PPP2R5C: variants seen among roughly 807,000 people sequenced by gnomAD.
PPP2R5C encodes the protein protein phosphatase 2 regulatory subunit B'gamma.
In PPP2R5C, 7 loss-of-function variants were observed where a neutral mutation model predicts 68.9. That is an observed-to-expected ratio of 0.10 (90% confidence interval 0.06 to 0.19). The LOEUF (loss-of-function observed/expected upper bound fraction) is 0.19, where lower values mean the gene tolerates loss of function less well. Among genes scored for constraint, PPP2R5C ranks in the 10% least tolerant of loss-of-function variants. PPP2R5C has a pLI of 1.00. For synonymous variants in PPP2R5C, 210 were observed against 222.2 expected (o/e 0.95, Z 0.49); for missense variants, 348 against 641.3 (o/e 0.54, Z 4.94).
chr14:101,840,148 G>A (rs539934762), intron 1 of PPP2R5C, among the ~76,000 whole-genome samples: 3 of 152,144 alleles, frequency 2.0e-5, no homozygotes, highest in African/African-American at 7.2e-5. Context: ...TGCCCACCTT[G>A]TACCTTATTT....
At chr14:101,841,311 G>A (rs1030539546) in intron 1 of PPP2R5C, among the ~76,000 whole-genome samples, 6 of 152,176 alleles carry the variant, frequency 3.9e-5, no homozygotes, top group South Asian at 2.1e-4. Flanking sequence ...TGAAGGGGGC[G>A]ACTGTGCCTA....
intron 8 of PPP2R5C, among the ~76,000 whole-genome samples, chr14:101,897,540 G>A (rs1466813396): frequency 3.9e-5 from 6 of 151,982 alleles, no homozygotes; most frequent in South Asian, 4.1e-4. Context: ...GGCAGGAAGC[G>A]TCCGGCACGG....
chr14:101,786,166 A>T, exon 3 of PPP2R5C: 1 of 1,567,748 alleles, frequency 6.4e-7, no homozygotes, highest in Non-Finnish European at 8.6e-7. Context: ...GAACTTCAAA[A>T]ACTACCATCC....
chr14:101,924,509 C>G (rs1428454655), intron 13 of PPP2R5C, among the ~76,000 whole-genome samples: 4 of 141,072 alleles, frequency 2.8e-5, no homozygotes, highest in African/African-American at 1.1e-4. Flanking sequence ...GTGGTGCAAT[C>G]TCGGCTCACT....
At position 101,825,524 on chromosome 14, in the gene PPP2R5C, G is replaced by A. The variant is rs1002380770; in HGVS notation, c.94+15488G>A. Among the ~76,000 whole-genome samples the A allele has an allele frequency of 2.6e-5, 4 of 152,134 alleles. No individual in the cohort carries two copies. The highest frequency in any genetic ancestry group is 4.4e-5 in the Non-Finnish European group (3 of 68,030). On this transcript the variant is annotated intron_variant, in intron 1 of 13. Transcript: ENST00000334743. The surrounding 1 kb of genome is among the most constrained non-coding windows in gnomAD (Gnocchi z 4.0). ...CCTATTTGGGGTGCACACGCTCATC[G>A]ATGAGGGCAACAGAACACAGCATGC...
At chr14:101,790,811 T>C (rs2038322188) in intron 3 of PPP2R5C, among the ~76,000 whole-genome samples, 1 of 152,244 alleles carries the variant, frequency 6.6e-6, no homozygotes, top group Non-Finnish European at 1.5e-5. Flanking sequence ...CTGGGCACCG[T>C]GGCTCACGCC....
upstream of PPP2R5C, among the ~76,000 whole-genome samples, chr14:101,808,158 T>A (rs1198466747): frequency 6.6e-6 from 1 of 151,392 alleles, no homozygotes; most frequent in Non-Finnish European, 1.5e-5. Flanking sequence ...TTCCTAGTGG[T>A]CGTTGGTGAT....
intron 2 of PPP2R5C, among the ~76,000 whole-genome samples, chr14:101,876,690 G>A (rs927223702): frequency 1.3e-5 from 2 of 152,218 alleles, no homozygotes; most frequent in Admixed American, 1.3e-4. Flanking sequence ...GCAGAAGCAG[G>A]TGCTTCCTGA....
intron 5 of PPP2R5C, chr14:101,889,950 T>A (rs1438477040): frequency 7.5e-6 from 4 of 536,196 alleles, no homozygotes; most frequent in Non-Finnish European, 1.4e-5. Context: ...TTGAAATGGG[T>A]GTTCACTGTA....
chr14:101,855,446 G>A (rs1249728612), intron 1 of PPP2R5C, among the ~76,000 whole-genome samples: 1 of 152,116 alleles, frequency 6.6e-6, no homozygotes, highest in African/African-American at 2.4e-5. Context: ...AGTTAGTATG[G>A]GTCGTTTCTT....
chr14:101,836,234 T>G, intron 1 of PPP2R5C: 3 of 702,912 alleles, frequency 4.3e-6, no homozygotes, highest in Non-Finnish European at 2.6e-6. Flanking sequence ...CCTTCAGCTG[T>G]GGCCGCCTAC....
intron 1 of PPP2R5C, among the ~76,000 whole-genome samples, chr14:101,827,497 A>G (rs189250603): frequency 6.0e-4 from 91 of 152,272 alleles, no homozygotes; most frequent in African/African-American, 2.1e-3. Context: ...GAGGAGAACT[A>G]ATGGGCAGAG....
chr14:101,809,696 C>T (rs2039237007), upstream of PPP2R5C: 2 of 662,950 alleles, frequency 3.0e-6, no homozygotes, highest in Admixed American at 4.5e-5. Flanking sequence ...TGCAAAAAGC[C>T]GGAAAATATC....
chr14:101,804,478 A>G (rs889857155), intron 3 of PPP2R5C, among the ~76,000 whole-genome samples: 7 of 151,980 alleles, frequency 4.6e-5, no homozygotes, highest in African/African-American at 1.5e-4. Context: ...CTAAGTGTCC[A>G]TCAACAGATG....
chr14:101,826,857 A>G (rs1047367976), intron 1 of PPP2R5C, among the ~76,000 whole-genome samples: 1 of 152,164 alleles, frequency 6.6e-6, no homozygotes, highest in African/African-American at 2.4e-5. Context: ...AATGGTCCAT[A>G]AGGAACCCCT....
chr14:101,911,298 G>A (rs770211386), intron 11 of PPP2R5C, among the ~76,000 whole-genome samples: 1 of 152,144 alleles, frequency 6.6e-6, no homozygotes, highest in Non-Finnish European at 1.5e-5. Flanking sequence ...TGCCCTTTTG[G>A]GGTTTATATT....
rs2039289898 is a variant in PPP2R5C, at chr14:101,810,395, A to G, written c.94+359A>G. On this transcript the variant is annotated intron_variant, in intron 1 of 13. Transcript: ENST00000334743. ...GAGGCGGGCCTGTCGCGCCTGGCCA[A>G]GTTGTTCGTACGCAGAGTTTCTGTT... 3.1e-5 allele frequency: 6 copies of G among 192,300 alleles called. No individual in the cohort carries two copies. The Admixed American group carries it at 3.6e-4, about 12-fold the overall frequency. The allele number at this position is 192,300 out of a possible 1,614,324, so 11.9% of individuals were successfully genotyped here.
intron 2 of PPP2R5C, among the ~76,000 whole-genome samples, chr14:101,770,709 T>C (rs2037100068): frequency 6.6e-6 from 1 of 152,228 alleles, no homozygotes; most frequent in Admixed American, 6.5e-5. Flanking sequence ...GCAAATGATA[T>C]GAAATCTAAA....
chr14:101,761,028 G>C (rs142242546), upstream of PPP2R5C, among the ~76,000 whole-genome samples: 66 of 99,214 alleles, frequency 6.7e-4, no homozygotes, highest in African/African-American at 2.6e-3. Context: ...AGGGGACGGG[G>C]TGGTCGAGGG....
Sources: gnomAD v4.1 joint callset for allele counts (sites outside exome capture counted in the v4.1 genomes callset) on GRCh38, gnomAD v4.1.1 for gene constraint, Gnocchi (gnomAD v3.1) non-coding constraint, MANE v1.5 for transcripts, NCBI Gene and HGNC (gene_info 2026-07-23, HGNC 2026-07-21) for gene names.